ZNF224: variants seen among roughly 807,000 people sequenced by gnomAD.
ZNF224 encodes the protein bone marrow zinc finger 2.
Under a neutral mutation model 10.5 loss-of-function variants are expected in ZNF224, and 8 were observed. That is an observed-to-expected ratio of 0.76 (90% CI 0.45 to 1.37). The LOEUF (loss-of-function observed/expected upper bound fraction) is 1.37. Ranked by LOEUF, ZNF224 falls within the 40% of genes most tolerant of loss-of-function variation. ZNF224 has a pLI of 0.00. For missense variants in ZNF224, 754 were observed against 854.0 expected, an observed-to-expected ratio of 0.88 and a Z score of 1.46; for synonymous variants, 282 against 287.8, an observed-to-expected ratio of 0.98 and a Z score of 0.20.
At chr19:44,096,930 A>G (rs1967446586) in intron 2 of ZNF224, 1 of 156,630 alleles carries the variant, frequency 6.4e-6, no homozygotes, top group African/African-American at 2.4e-5. Context: ...GCGGGTTCAG[A>G]TTATGCATTG....
intron 5 of ZNF224, among the ~76,000 whole-genome samples, chr19:44,103,437 T>C (rs1186088900): frequency 1.3e-5 from 2 of 152,216 alleles, no homozygotes; most frequent in Non-Finnish European, 2.9e-5. Flanking sequence ...AAACACATCT[T>C]TCACCATAAC....
chr19:44,103,042 T>C (rs1220024735), intron 5 of ZNF224, among the ~76,000 whole-genome samples: 1 of 152,228 alleles, frequency 6.6e-6, no homozygotes, highest in Non-Finnish European at 1.5e-5. Flanking sequence ...TTCAAAAATA[T>C]GTATATTTCT....
At chr19:44,098,514 A>G (rs1200419145) in intron 3 of ZNF224, among the ~76,000 whole-genome samples, 2 of 152,060 alleles carry the variant, frequency 1.3e-5, no homozygotes, top group Admixed American at 6.6e-5. Flanking sequence ...CATGCCTTCT[A>G]TGTCTTTTAC....
Position 44,107,340 on chromosome 19 carries a change from C to T in ZNF224, c.1180C>T (p.His394Tyr), listed in dbSNP as rs202135306. Residue 394 changes from histidine to tyrosine, a missense_variant, in exon 6 of 6, where the codon CAC (histidine) becomes TAC (tyrosine). Coordinates refer to ENST00000693561, the MANE Select transcript of ZNF224 (RefSeq NM_001321645.3). The part of the protein sequence containing the change: ...ASCLLKHQRV[H>Y]SGEKPFKCEE... ...GTGTCTTTTGAAACATCAGCGAGTC[C>T]ACAGTGGAGAAAAACCATTCAAATG... 5.8e-5 allele frequency: 93 copies of T among 1,591,090 alleles called. No homozygotes were observed. In the East Asian group the frequency reaches 7.8e-4, roughly 13 times the overall value.
chr19:44,101,885 C>T (rs768514634), intron 5 of ZNF224, among the ~76,000 whole-genome samples: 19 of 152,204 alleles, frequency 1.2e-4, no homozygotes, highest in Non-Finnish European at 2.2e-4. Flanking sequence ...AAGGCAGCAA[C>T]TTGCATCCCC....
At chr19:44,104,622 C>T (rs908699332) in intron 5 of ZNF224, among the ~76,000 whole-genome samples, 2 of 151,478 alleles carry the variant, frequency 1.3e-5, no homozygotes, top group Non-Finnish European at 2.9e-5. Context: ...TAAGGTGTGA[C>T]GTAGAGGGTA....
chr19:44,107,438 A>G lies in ZNF224; in HGVS notation c.1278A>G (p.Lys426=), dbSNP rs3208202. The change falls in exon 6 of 6, where the codon AAA becomes AAG. Residue 426 remains lysine, a synonymous_variant. Coordinates refer to ENST00000693561, the MANE Select transcript of ZNF224 (RefSeq NM_001321645.3). ...ACCAGAGATCCCATAGTGGAGAAAA[A>G]CCATACAAATGTGTGGAGTGTGGGA... is the stretch of plus-strand genomic sequence containing the variant. ...YSHQRSHSGE[K]PYKCVECGKG... 2 of 1,608,016 alleles carry G rather than the reference A, an allele frequency of 1.2e-6. No homozygotes were observed. Among genetic ancestry groups the G allele is most frequent in the Non-Finnish European group, 1.7e-6 (2 of 1,177,840 alleles).
chr19:44,101,232 A>G lies in ZNF224; in HGVS notation c.235+7A>G, dbSNP rs771320881. On this transcript the variant is annotated splice_region_variant and intron_variant, in intron 5 of 5. Coordinates refer to ENST00000693561, the MANE Select transcript of ZNF224 (RefSeq NM_001321645.3). Reference sequence around the variant, plus strand: ...CAAAGGGAAGGGAATTCAGGTAAGAATCAAGCAACTGTGAATCCCTGTATG... The same window carrying G: ...CAAAGGGAAGGGAATTCAGGTAAGAGTCAAGCAACTGTGAATCCCTGTATG... 6.2e-7 allele frequency: 1 copy of G among 1,612,952 alleles called. No homozygotes were observed. Among genetic ancestry groups the G allele is most frequent in the South Asian group, 1.1e-5 (1 of 91,054 alleles).
At chr19:44,097,513 T>C (rs756432807) in intron 2 of ZNF224, among the ~76,000 whole-genome samples, 1 of 152,266 alleles carries the variant, frequency 6.6e-6, no homozygotes, top group East Asian at 1.9e-4. Flanking sequence ...GTGGTCTTTT[T>C]TAACTGGCTT....
rs1967728182 is a variant in ZNF224 at position 44,107,847 on chromosome 19, A to G, written c.1687A>G (p.Ser563Gly). 3 of 1,601,834 alleles carry G rather than the reference A, an allele frequency of 1.9e-6. No individual in the cohort carries two copies. The highest frequency in any genetic ancestry group is 1.3e-5 in the African/African-American group (1 of 74,078). ...TCTTTTGAAACATCAGAGACTGCAC[A>G]GTGGAGAAAAACCATTCAAATGTGA... ...SCLLKHQRLH[S>G]GEKPFKCEEC... Residue 563 changes from serine to glycine, a missense_variant, in exon 6 of 6, where the codon AGT becomes GGT. Ser to Gly is a moderately conservative substitution (Grantham distance 56). Coordinates refer to ENST00000693561, the MANE Select transcript of ZNF224 (RefSeq NM_001321645.3).
Position 44,107,105 on chromosome 19 carries a change from A to T in ZNF224, c.945A>T (p.Pro315=). 6.2e-7 allele frequency: 1 copy of T among 1,604,134 alleles called. No individual in the cohort carries two copies. Among genetic ancestry groups the T allele is most frequent in the East Asian group, 2.2e-5 (1 of 44,854 alleles). The change falls in exon 6 of 6, where the codon CCA becomes CCT. Residue 315 remains proline (P), a synonymous_variant. Transcript: ENST00000693561. The stretch of plus-strand genomic sequence containing the variant: ...CCATGGTTCACACGGCAGAGAAACC[A>T]TTCCGATGTGATACGTGTGATAAGA... ...RHSMVHTAEK[P]FRCDTCDKSF...
In ZNF224 at chr19:44,100,870, C is replaced by G. The variant is rs771881723; in HGVS notation, c.85C>G (p.Gln29Glu). ...AGAGCTGGGGCTGCTGGACCTTGCTCAGAGGAAGCTGTATCGAGATGTGAT... is the reference window on the plus strand; with the variant it reads ...AGAGCTGGGGCTGCTGGACCTTGCTGAGAGGAAGCTGTATCGAGATGTGAT... The part of the protein sequence containing the change: ...EEELGLLDLA[Q>E]RKLYRDVMLE... Residue 29 changes from glutamine to glutamate, a missense_variant, in exon 4 of 6, where the codon CAG becomes GAG. Transcript: ENST00000693561. 6 of 1,614,088 alleles carry G rather than the reference C, an allele frequency of 3.7e-6. No individual in the cohort carries two copies. In the Admixed American group the frequency reaches 6.7e-5, roughly 18 times the overall value.
Position 44,097,844 on chromosome 19 carries a change from C to T in ZNF224, c.-30C>T. The T allele has an allele frequency of 1.2e-6, 2 of 1,613,812 alleles. No individual in the cohort carries two copies. Among genetic ancestry groups the T allele is most frequent in the East Asian group, 4.5e-5 (2 of 44,870 alleles). On this transcript the variant is annotated 5_prime_UTR_variant, in exon 3 of 6. Coordinates refer to ENST00000693561, the MANE Select transcript of ZNF224 (RefSeq NM_001321645.3). ...TTCCCAGGAACTGCATCACTCAGGA[C>T]TCTGCAAGTTTCCAGAAGTAAGAGG...
At chr19:44,095,042 C>A (rs577728458) in intron 1 of ZNF224, 2 of 215,594 alleles carry the variant, frequency 9.3e-6, no homozygotes, top group African/African-American at 4.6e-5. Context: ...GAGCATTTAA[C>A]TTTTATGGGG....
In ZNF224 at chr19:44,108,264, C is replaced by T; in HGVS notation, c.2104C>T (p.His702Tyr). 6.2e-7 allele frequency: 1 copy of T among 1,610,034 alleles called. No individual in the cohort carries two copies. The highest frequency in any genetic ancestry group is 8.5e-7 in the Non-Finnish European group (1 of 1,178,004). ...ASSLRLHQNV[H>Y]VGEKP ...AAGCCTTCGACTTCATCAGAATGTTCATGTTGGAGAAAAACCTTAGTGATG... is the reference window on the plus strand; with the variant it reads ...AAGCCTTCGACTTCATCAGAATGTTTATGTTGGAGAAAAACCTTAGTGATG... The change falls in exon 6 of 6, where the codon CAT (histidine) becomes TAT (tyrosine). Residue 702 changes from histidine (H) to tyrosine (Y), a missense_variant. By Grantham distance (83) the His-to-Tyr change is moderately conservative (BLOSUM62 2). Transcript: ENST00000693561.
intron 4 of ZNF224, 30 bp downstream of exon 4, chr19:44,100,957 G>T (rs367910766): frequency 1.2e-6 from 2 of 1,611,300 alleles, no homozygotes; most frequent in African/African-American, 2.7e-5. Flanking sequence ...GTAACAGAAC[G>T]TCAGGCCCCA....
rs763574580 is a variant in ZNF224 at position 44,108,186 on chromosome 19, G to GATAT, written c.2026_2027insATAT (p.Gly676AspfsTer9). 2.5e-5 allele frequency: 40 copies of GATAT among 1,614,194 alleles called. No homozygotes were observed. The highest frequency in any genetic ancestry group is 3.3e-5 in the Non-Finnish European group (39 of 1,180,026). ...TGATATGCATCAGAGGGTCCACATG[G>GATAT]GAGAGAAAACATGGAAGTGTAGGGA... is the stretch of plus-strand genomic sequence containing the variant. On this transcript the variant is annotated frameshift_variant, in exon 6 of 6. Coordinates refer to ENST00000693561, the MANE Select transcript of ZNF224 (RefSeq NM_001321645.3). LOFTEE classifies it low-confidence loss of function (END_TRUNC).
intron 3 of ZNF224, among the ~76,000 whole-genome samples, chr19:44,100,362 G>C (rs1333870472): frequency 6.6e-6 from 1 of 152,186 alleles, no homozygotes; most frequent in Non-Finnish European, 1.5e-5. Context: ...CCATAAGCTT[G>C]TCAGTTTGGC....
rs112215538 is a variant in ZNF224 at position 44,101,204 on chromosome 19, A to G, written c.214A>G (p.Ile72Val). ...AAAGATTTGGATGATGAAGACAGCA[A>G]TCCAAAGGGAAGGGAATTCAGGTAA... is the stretch of plus-strand genomic sequence containing the variant. ...EEKIWMMKTA[I>V]QREGNSGDKI... The change falls in exon 5 of 6, where the codon ATC becomes GTC. Residue 72 changes from isoleucine (I) to valine (V), a missense_variant. Physicochemically the swap from Ile to Val is conservative, Grantham distance 29. Transcript: ENST00000693561. 3.2e-5 allele frequency: 52 copies of G among 1,614,036 alleles called. No individual in the cohort carries two copies. The African/African-American group carries it at 5.2e-4, about 16-fold the overall frequency.
Sources: allele counts gnomAD v4.1 joint callset (sites outside exome capture counted in the v4.1 genomes callset), GRCh38; gene constraint gnomAD v4.1.1; transcripts MANE v1.5; gene names NCBI Gene and HGNC (gene_info 2026-07-23, HGNC 2026-07-21).